The following ARL15 variants were observed in gnomAD, a reference collection of about 807,000 sequenced individuals.
ARL15 encodes the protein ADP-ribosylation factor-like protein 15.
Under a neutral mutation model 25.2 loss-of-function variants are expected in ARL15, and 19 were observed. The observed-to-expected ratio is 0.75, with a 90% CI of 0.53 to 1.10. The LOEUF is 1.10. ARL15 is among the 50% of genes least tolerant of loss of function. ARL15 has a pLI of 0.00. For synonymous variants in ARL15, 94 were observed against 86.8 expected, an observed-to-expected ratio of 1.08 and a Z score of -0.46; for missense variants, 220 against 246.0, an observed-to-expected ratio of 0.89 and a Z score of 0.71.
intron 4 of ARL15, among the ~76,000 whole-genome samples, chr5:54,112,266 T>C (rs576168775): frequency 3.9e-5 from 6 of 152,312 alleles, no homozygotes; most frequent in Admixed American, 2.0e-4. Flanking sequence ...ATTTTAGAGG[T>C]GAGAAGCCAG....
chr5:54,255,295 T>C (rs889067924), intron 1 of ARL15, among the ~76,000 whole-genome samples: 6 of 151,980 alleles, frequency 3.9e-5, no homozygotes, highest in Non-Finnish European at 7.4e-5. Flanking sequence ...AGGAGAATGT[T>C]TAAAACATAC....
At chr5:54,162,024 C>CACACACACAGAG (rs148833900) in intron 2 of ARL15, among the ~76,000 whole-genome samples, 13 of 145,340 alleles carry the variant, frequency 8.9e-5, no homozygotes, top group South Asian at 2.1e-4. Flanking sequence ...CACACACACA[C>CACACACACAGAG]AGAGAGAGAT....
chr5:53,906,853 C>T (rs978289047), intron 4 of ARL15, among the ~76,000 whole-genome samples: 1 of 152,144 alleles, frequency 6.6e-6, no homozygotes, highest in African/African-American at 2.4e-5. Context: ...AATCATGAAA[C>T]CCTTGCACAC....
intron 1 of ARL15, among the ~76,000 whole-genome samples, chr5:54,215,015 G>A (rs562215390): frequency 1.3e-5 from 2 of 152,006 alleles, no homozygotes; most frequent in South Asian, 2.1e-4. Flanking sequence ...ACCCACATAC[G>A]TGTTTTTCTT....
intron 4 of ARL15, among the ~76,000 whole-genome samples, chr5:54,033,524 T>TAA (rs901082446): frequency 4.0e-5 from 6 of 150,322 alleles, no homozygotes; most frequent in Admixed American, 2.6e-4. Context: ...ATACAAAAGT[T>TAA]AACTGGGTGT....
At chr5:54,209,015 C>CA (rs1193257864) in intron 1 of ARL15, among the ~76,000 whole-genome samples, 1 of 152,028 alleles carries the variant, frequency 6.6e-6, no homozygotes, top group Non-Finnish European at 1.5e-5. Context: ...AAGTAAATGA[C>CA]AAAATAGGAC....
At chr5:54,149,122 T>TA (rs1366597481) in intron 3 of ARL15, among the ~76,000 whole-genome samples, 1 of 152,220 alleles carries the variant, frequency 6.6e-6, no homozygotes, top group African/African-American at 2.4e-5. Context: ...ATGCTTCACT[T>TA]ACTTTCATAA....
intron 4 of ARL15, among the ~76,000 whole-genome samples, chr5:54,008,070 T>C (rs2111764982): frequency 6.6e-6 from 1 of 152,330 alleles, no homozygotes; most frequent in South Asian, 2.1e-4. Context: ...GATGTAGCAT[T>C]ATGTGTCAGA....
At chr5:53,911,545 T>C (rs1170145663) in intron 4 of ARL15, among the ~76,000 whole-genome samples, 2 of 152,158 alleles carry the variant, frequency 1.3e-5, no homozygotes, top group Non-Finnish European at 2.9e-5. Flanking sequence ...CCTTTAACCT[T>C]TTTTTCAATA....
chr5:54,088,661 C>A (rs1365611224), intron 4 of ARL15, among the ~76,000 whole-genome samples: 1 of 152,132 alleles, frequency 6.6e-6, no homozygotes, highest in Non-Finnish European at 1.5e-5. Flanking sequence ...GCATAAACTC[C>A]TAGCAGACAG....
chr5:53,946,713 C>A (rs1224217990), intron 4 of ARL15, among the ~76,000 whole-genome samples: 1 of 151,994 alleles, frequency 6.6e-6, no homozygotes, highest in African/African-American at 2.4e-5. Flanking sequence ...ATTAACAGCC[C>A]CCAATTTGGG....
chr5:53,957,478 G>A (rs1747197024), intron 4 of ARL15, among the ~76,000 whole-genome samples: 1 of 151,580 alleles, frequency 6.6e-6, no homozygotes, highest in African/African-American at 2.4e-5. Flanking sequence ...TCTTTAGGTT[G>A]AAACAAAAGG....
At chr5:54,297,189 T>C (rs1365094035) in intron 1 of ARL15, among the ~76,000 whole-genome samples, 2 of 152,206 alleles carry the variant, frequency 1.3e-5, no homozygotes, top group Non-Finnish European at 2.9e-5. Context: ...GGAGTTCTAG[T>C]TCCTGATGAA....
chr5:53,947,274 C>T (rs1489299998), intron 4 of ARL15, among the ~76,000 whole-genome samples: 1 of 149,266 alleles, frequency 6.7e-6, no homozygotes, highest in African/African-American at 2.5e-5. Flanking sequence ...AGGTGAGGTT[C>T]CCTTCCCTGT....
At chr5:54,006,531 A>G (rs929805034) in intron 4 of ARL15, among the ~76,000 whole-genome samples, 2 of 152,172 alleles carry the variant, frequency 1.3e-5, no homozygotes, top group Admixed American at 1.3e-4. Context: ...TCATGCTGCA[A>G]CCAACAGTTT....
chr5:54,260,446 GGTCT>G (rs1207131147), intron 1 of ARL15, among the ~76,000 whole-genome samples: 2 of 152,080 alleles, frequency 1.3e-5, no homozygotes, highest in Non-Finnish European at 2.9e-5. Flanking sequence ...TTCAGAGTCT[GGTCT>G]GTCACTTTTG....
intron 4 of ARL15, among the ~76,000 whole-genome samples, chr5:54,011,368 G>A (rs1424216681): frequency 6.6e-6 from 1 of 152,074 alleles, no homozygotes; most frequent in Non-Finnish European, 1.5e-5. Context: ...TCAGTAATGT[G>A]TGCATTTCTT....
chr5:54,284,273 T>C (rs981684366), intron 1 of ARL15, among the ~76,000 whole-genome samples: 4 of 152,176 alleles, frequency 2.6e-5, no homozygotes, highest in Non-Finnish European at 5.9e-5. Context: ...CCAGCAAATA[T>C]TTTAATTTCT....
At chr5:54,067,774 T>C (rs952615579) in intron 4 of ARL15, among the ~76,000 whole-genome samples, 1 of 152,228 alleles carries the variant, frequency 6.6e-6, no homozygotes, top group Admixed American at 6.5e-5. Flanking sequence ...GGTGAATGAA[T>C]GAACATTTAT....
Sources: allele counts gnomAD v4.1 joint callset (sites outside exome capture counted in the v4.1 genomes callset), GRCh38; gene constraint gnomAD v4.1.1; transcripts MANE v1.5; gene names NCBI Gene and HGNC (gene_info 2026-07-23, HGNC 2026-07-21).